The following CGNL1 variants were observed in gnomAD, a reference collection of about 807,000 sequenced individuals.
CGNL1 encodes cingulin-like protein 1.
A neutral mutation model predicts 141.2 loss-of-function variants in CGNL1; 132 were observed. That is an observed-to-expected ratio of 0.93 (90% CI 0.81 to 1.08). CGNL1 has a LOEUF of 1.08. Among genes scored for constraint, CGNL1 ranks in the 50% least tolerant of loss-of-function variants. The pLI is 0.00. For synonymous variants in CGNL1, 690 were observed against 622.1 expected, an observed-to-expected ratio of 1.11 and a Z score of -1.63; for missense variants, 1,870 against 1,588.6, an observed-to-expected ratio of 1.18 and a Z score of -3.01.
intron 8 of CGNL1, among the ~76,000 whole-genome samples, chr15:57,478,910 A>G (rs1381298454): frequency 1.3e-5 from 2 of 152,186 alleles, no homozygotes; most frequent in African/African-American, 4.8e-5. Flanking sequence ...AAGTGCTGGG[A>G]TAGCAGGTGT....
chr15:57,495,346 C>T (rs1200217163), intron 8 of CGNL1, among the ~76,000 whole-genome samples: 3 of 152,174 alleles, frequency 2.0e-5, no homozygotes, highest in African/African-American at 7.2e-5. Flanking sequence ...TGCAGTGACT[C>T]TGGAACCTCT....
intron 8 of CGNL1, among the ~76,000 whole-genome samples, chr15:57,488,461 C>T (rs566552507): frequency 7.2e-5 from 11 of 152,180 alleles, no homozygotes; most frequent in Admixed American, 2.0e-4. Context: ...AAACCATTTC[C>T]TCATCCAAGG....
chr15:57,417,560 G>T (rs1345405682), intron 1 of CGNL1, among the ~76,000 whole-genome samples: 1 of 151,162 alleles, frequency 6.6e-6, no homozygotes, highest in Non-Finnish European at 1.5e-5. Flanking sequence ...TGGGTAAACT[G>T]ACTCCAAGGT....
chr15:57,429,271 G>A (rs1432827242), intron 1 of CGNL1, among the ~76,000 whole-genome samples: 2 of 152,218 alleles, frequency 1.3e-5, no homozygotes, highest in African/African-American at 4.8e-5. Flanking sequence ...GACTTGGGGG[G>A]TGGGTAATTT....
chr15:57,383,980 G>A (rs577340454), intron 1 of CGNL1, among the ~76,000 whole-genome samples: 134 of 145,822 alleles, frequency 9.2e-4, no homozygotes, highest in Non-Finnish European at 1.6e-3. Context: ...CAGGTTTGGG[G>A]CTTAAATGCA....
chr15:57,452,400 G>A (rs1257576682), intron 6 of CGNL1, 111 bp downstream of exon 6: 2 of 1,009,334 alleles, frequency 2.0e-6, no homozygotes, highest in African/African-American at 3.3e-5. Flanking sequence ...TATAAAGGCA[G>A]CTGGCTTTTC....
chr15:57,382,608 T>A (rs2062436616), intron 1 of CGNL1, among the ~76,000 whole-genome samples: 1 of 152,254 alleles, frequency 6.6e-6, no homozygotes, highest in Non-Finnish European at 1.5e-5. Context: ...TGAGGTAAGA[T>A]GACCTCTAGT....
chr15:57,526,555 G>A (rs1338019068), intron 12 of CGNL1, among the ~76,000 whole-genome samples: 1 of 151,990 alleles, frequency 6.6e-6, no homozygotes, highest in Non-Finnish European at 1.5e-5. Flanking sequence ...GAGAGAAATA[G>A]GCATTTTTCA....
intron 8 of CGNL1, among the ~76,000 whole-genome samples, chr15:57,488,797 TGTG>T (rs1315172672): frequency 4.6e-5 from 7 of 152,236 alleles, no homozygotes; most frequent in African/African-American, 1.7e-4. Flanking sequence ...ACTTCACTAA[TGTG>T]GCAAAAACAA....
chr15:57,492,268 A>G (rs1191473727), intron 8 of CGNL1, among the ~76,000 whole-genome samples: 1 of 152,156 alleles, frequency 6.6e-6, no homozygotes, highest in Non-Finnish European at 1.5e-5. Context: ...CAGTTCATTG[A>G]TCCTAGAAAT....
At chr15:57,379,774 G>C (rs1373026070) in intron 1 of CGNL1, among the ~76,000 whole-genome samples, 2 of 151,648 alleles carry the variant, frequency 1.3e-5, no homozygotes, top group African/African-American at 2.4e-5. Context: ...TGACATTGCT[G>C]TTATCAAGAA....
At chr15:57,378,391 T>TTTTTTTTTTTTA in intron 1 of CGNL1, among the ~76,000 whole-genome samples, 1 of 134,818 alleles carries the variant, frequency 7.4e-6, no homozygotes, top group Non-Finnish European at 1.6e-5. Flanking sequence ...TTTTTTTTTT[T>TTTTTTTTTTTTA]TTTTTTTGAG....
At chr15:57,520,313 T>C (rs2031164036) in intron 10 of CGNL1, among the ~76,000 whole-genome samples, 1 of 152,228 alleles carries the variant, frequency 6.6e-6, no homozygotes, top group South Asian at 2.1e-4. Flanking sequence ...TCTATGCACC[T>C]CTCGTCCTTG....
chr15:57,441,224 T>A (rs1443932539), intron 3 of CGNL1, among the ~76,000 whole-genome samples: 1 of 151,734 alleles, frequency 6.6e-6, no homozygotes, highest in Non-Finnish European at 1.5e-5. Context: ...GCTCAAAATA[T>A]AAAACAGGGG....
At chr15:57,502,185 G>T (rs1455204717) in intron 8 of CGNL1, among the ~76,000 whole-genome samples, 2 of 152,208 alleles carry the variant, frequency 1.3e-5, no homozygotes, top group Non-Finnish European at 2.9e-5. Flanking sequence ...AGACAGGATG[G>T]TATGAGGGTG....
At chr15:57,411,776 A>C in intron 1 of CGNL1, among the ~76,000 whole-genome samples, 1 of 149,966 alleles carries the variant, frequency 6.7e-6, no homozygotes. Context: ...TTTCTTCCCC[A>C]ATTCTCTTTT....
chr15:57,468,229 T>TTTTTC, intron 8 of CGNL1, among the ~76,000 whole-genome samples: 1 of 62,374 alleles, frequency 1.6e-5, no homozygotes, highest in African/African-American at 5.0e-5. Context: ...TTTTCTTTTC[T>TTTTTC]TTTTCTTTTT....
At chr15:57,461,601 C>T in intron 7 of CGNL1, 79 bp from the exon 8 acceptor site, 2 of 1,215,526 alleles carry the variant, frequency 1.6e-6, no homozygotes, top group Non-Finnish European at 2.4e-6. Flanking sequence ...CACATGGGGA[C>T]TGAACTGGAG....
At position 57,547,515 on chromosome 15, in the gene CGNL1, C is replaced by T. The variant is rs1435027129; in HGVS notation, c.*25C>T. 4.4e-6 allele frequency: 7 copies of T among 1,605,354 alleles called. No individual in the cohort carries two copies. The East Asian group carries it at 1.1e-4, about 26-fold the overall frequency. On this transcript the variant is annotated 3_prime_UTR_variant, in exon 19 of 19. Coordinates refer to ENST00000281282, the MANE Select transcript of CGNL1 (RefSeq NM_032866.5). ...AGTGCTCTCCCGGGCTGTGGAAGTA[C>T]CTGTCATTCCTGCAGGAGCTGCAGC... is the stretch of plus-strand genomic sequence containing the variant.
Sources: allele counts gnomAD v4.1 joint callset (sites outside exome capture counted in the v4.1 genomes callset), GRCh38; gene constraint gnomAD v4.1.1; transcripts MANE v1.5; gene names NCBI Gene and HGNC (gene_info 2026-07-23, HGNC 2026-07-21).